Variants in MOB3B observed in about 807,000 individuals in gnomAD.
MOB3B encodes MOB kinase activator-like 2B.
In MOB3B, 7 loss-of-function variants were observed where a neutral mutation model predicts 18.7. The ratio of observed to expected loss-of-function variants is 0.37; its 90% confidence interval spans 0.21 to 0.70. The LOEUF (loss-of-function observed/expected upper bound fraction) is 0.70, where lower values mean the gene tolerates loss of function less well. Among genes scored for constraint, MOB3B ranks in the 30% least tolerant of loss-of-function variants. MOB3B has a pLI of 0.52. For missense variants in MOB3B, 253 were observed against 281.3 expected (o/e 0.90, Z 0.72); for synonymous variants, 111 against 99.9 (o/e 1.11, Z -0.66).
At chr9:27,404,790 T>C (rs1035842316) in intron 2 of MOB3B, among the ~76,000 whole-genome samples, 2 of 152,196 alleles carry the variant, frequency 1.3e-5, no homozygotes, top group Admixed American at 6.5e-5. Flanking sequence ...AGCAATGGGA[T>C]TGCTGAATCA....
chr9:27,512,805 C>A (rs115532461), intron 1 of MOB3B, among the ~76,000 whole-genome samples: 1 of 152,094 alleles, frequency 6.6e-6, no homozygotes, highest in African/African-American at 2.4e-5. Flanking sequence ...TGATTATATT[C>A]CATTATGATT....
At chr9:27,337,645 G>A (rs1327984918) in intron 3 of MOB3B, among the ~76,000 whole-genome samples, 1 of 152,206 alleles carries the variant, frequency 6.6e-6, no homozygotes, top group Non-Finnish European at 1.5e-5. Context: ...CAAAGAAAAT[G>A]AGCTGGCATC....
At chr9:27,420,220 G>C (rs1822218799) in intron 2 of MOB3B, among the ~76,000 whole-genome samples, 1 of 152,110 alleles carries the variant, frequency 6.6e-6, no homozygotes, top group African/African-American at 2.4e-5. Context: ...ATGTAAACTA[G>C]TACAGGCACT....
At chr9:27,367,346 C>T (rs149018002) in intron 2 of MOB3B, among the ~76,000 whole-genome samples, 136 of 152,280 alleles carry the variant, frequency 8.9e-4, no homozygotes, top group African/African-American at 2.4e-3. Context: ...CATGCAAATA[C>T]GATTGACACA....
chr9:27,497,624 A>G (rs1172002860), intron 1 of MOB3B, among the ~76,000 whole-genome samples: 2 of 151,940 alleles, frequency 1.3e-5, no homozygotes, highest in Non-Finnish European at 1.5e-5. Context: ...GTAGTTTTAT[A>G]TGTTCTAAAT....
rs1304680144 is a variant in MOB3B at position 27,529,583 on chromosome 9, C to G, written c.-227G>C. On this transcript the variant is annotated 5_prime_UTR_variant, in exon 1 of 4. Transcript: ENST00000262244. ...GGGGTTTTACCTCCAGCCCAGGGCC[C>G]GGTCGGCTCCCTTCGCCGGGTCAGC... 2.0e-6 allele frequency: 2 copies of G among 985,532 alleles called. No homozygotes were observed. The highest frequency in any genetic ancestry group is 6.1e-5 in the Admixed American group (1 of 16,272). 61.0% of individuals were successfully genotyped at this position (985,532 alleles called of 1,614,324 possible).
intron 2 of MOB3B, among the ~76,000 whole-genome samples, chr9:27,450,267 T>C (rs1822764602): frequency 6.6e-6 from 1 of 152,208 alleles, no homozygotes; most frequent in Non-Finnish European, 1.5e-5. Context: ...GGACATTATG[T>C]AAACTGCTCA....
intron 2 of MOB3B, among the ~76,000 whole-genome samples, chr9:27,381,139 G>A (rs1472036688): frequency 6.6e-6 from 1 of 152,120 alleles, no homozygotes; most frequent in Non-Finnish European, 1.5e-5. Flanking sequence ...AATGGTGGAA[G>A]GAGCAAGGAA....
intron 2 of MOB3B, among the ~76,000 whole-genome samples, chr9:27,390,831 G>A (rs1314509847): frequency 2.6e-5 from 4 of 152,148 alleles, no homozygotes; most frequent in African/African-American, 9.7e-5. Context: ...CATGAGAGCA[G>A]AGCCCTCACG....
At chr9:27,401,497 CT>C (rs1224486890) in intron 2 of MOB3B, among the ~76,000 whole-genome samples, 2 of 152,314 alleles carry the variant, frequency 1.3e-5, no homozygotes, top group South Asian at 2.1e-4. Context: ...GCACCCTCAT[CT>C]GGGTCTGTGA....
intron 2 of MOB3B, among the ~76,000 whole-genome samples, chr9:27,454,507 G>C (rs2131448318): frequency 6.6e-6 from 1 of 152,350 alleles, no homozygotes; most frequent in African/African-American, 2.4e-5. Context: ...AGAGAAGACT[G>C]ACTGGTCCTT....
At chr9:27,492,493 G>A (rs1247873923) in intron 1 of MOB3B, among the ~76,000 whole-genome samples, 1 of 152,178 alleles carries the variant, frequency 6.6e-6, no homozygotes, top group Non-Finnish European at 1.5e-5. Flanking sequence ...TGCTGCCCAA[G>A]TGACTCTCAA....
chr9:27,417,886 C>A (rs1030232890), intron 2 of MOB3B, among the ~76,000 whole-genome samples: 7 of 151,922 alleles, frequency 4.6e-5, no homozygotes, highest in African/African-American at 1.7e-4. Flanking sequence ...CTTGGTGAAA[C>A]CCTTAGTACA....
chr9:27,513,838 C>T (rs74439636), intron 1 of MOB3B, among the ~76,000 whole-genome samples: 4,476 of 152,154 alleles, frequency 0.029, 116 homozygotes, highest in Non-Finnish European at 0.042. Context: ...TTTTTTACTA[C>T]CTGTGTCAGG....
In MOB3B at chr9:27,406,021, GA is replaced by G. The variant is rs148428056; in HGVS notation, c.419-46786del. Among the ~76,000 whole-genome samples, 159 of 152,256 alleles carry G rather than the reference GA, an allele frequency of 1.0e-3. 1 individual carries two copies. Among genetic ancestry groups the G allele is most frequent in the African/African-American group, 3.8e-3 (156 of 41,552 alleles). ...TTATCTAAGATTTGGAACAAGACAA[GA>G]ATGCCTACTTTCATCACTTTTACTC... On this transcript the variant is annotated intron_variant, in intron 2 of 3. Coordinates refer to ENST00000262244, the MANE Select transcript of MOB3B (RefSeq NM_024761.5).
At chr9:27,341,062 G>A (rs1230639052) in intron 3 of MOB3B, among the ~76,000 whole-genome samples, 1 of 152,232 alleles carries the variant, frequency 6.6e-6, no homozygotes, top group Non-Finnish European at 1.5e-5. Flanking sequence ...GCTGGATGCG[G>A]GAGGGCAGGG....
chr9:27,387,582 T>C (rs938729755), intron 2 of MOB3B, among the ~76,000 whole-genome samples: 2 of 152,228 alleles, frequency 1.3e-5, no homozygotes, highest in African/African-American at 4.8e-5. Flanking sequence ...CTGCTGCAAC[T>C]ACTATTATTA....
intron 2 of MOB3B, among the ~76,000 whole-genome samples, chr9:27,408,739 C>G (rs1822022512): frequency 6.6e-6 from 1 of 152,110 alleles, no homozygotes; most frequent in Admixed American, 6.5e-5. Context: ...CTCTGGCCCC[C>G]CAGCGTTATT....
intron 1 of MOB3B, among the ~76,000 whole-genome samples, chr9:27,523,230 T>C (rs1820367827): frequency 6.6e-6 from 1 of 152,164 alleles, no homozygotes; most frequent in South Asian, 2.1e-4. Flanking sequence ...AGGAAGGTTA[T>C]TTGGTCAAAC....
Sources: gnomAD v4.1 joint callset for allele counts (sites outside exome capture counted in the v4.1 genomes callset) on GRCh38, gnomAD v4.1.1 for gene constraint, MANE v1.5 for transcripts, NCBI Gene and HGNC (gene_info 2026-07-23, HGNC 2026-07-21) for gene names.